TKFC: variants seen among roughly 807,000 people sequenced by gnomAD.
The protein encoded by TKFC is triokinase/FMN cyclase.
In TKFC, 46 loss-of-function variants were observed where a neutral mutation model predicts 61.0. The ratio of observed to expected loss-of-function variants is 0.75; its 90% CI spans 0.60 to 0.96. The LOEUF (loss-of-function observed/expected upper bound fraction) is 0.96. TKFC is among the 50% of genes least tolerant of loss of function. The pLI is 0.00. For synonymous variants in TKFC, 314 were observed against 330.1 expected, an observed-to-expected ratio of 0.95 and a Z score of 0.53; for missense variants, 715 against 777.5, an observed-to-expected ratio of 0.92 and a Z score of 0.96.
In TKFC at chr11:61,346,405, G is replaced by A. The variant is rs1189081192; in HGVS notation, c.1630G>A (p.Ala544Thr). 1 of 1,612,642 alleles carries A rather than the reference G, an allele frequency of 6.2e-7. No homozygotes were observed. The highest frequency in any genetic ancestry group is 1.1e-5 in the South Asian group (1 of 91,080). Residue 544 changes from alanine (A) to threonine (T), a missense_variant, in exon 18 of 18, where the codon GCC becomes ACC. By Grantham distance (58) the Ala-to-Thr change is moderately conservative (BLOSUM62 0). Transcript: ENST00000394900. This position sits in a 1 kb window ranked among gnomAD's most constrained non-coding sequence, Gnocchi z 4.1. Reference protein sequence around the residue: ...TKNMEAGAGRASYISSARLEQ... With the variant: ...TKNMEAGAGRTSYISSARLEQ... ...GAATATGGAAGCTGGAGCCGGAAGAGCCAGTTATATCAGCTCAGCACGGCT... is the reference window on the plus strand; with the variant it reads ...GAATATGGAAGCTGGAGCCGGAAGAACCAGTTATATCAGCTCAGCACGGCT...
Position 61,345,247 on chromosome 11 carries a change from T to C in TKFC, c.1241-13T>C, listed in dbSNP as rs768839539. ...GGATCTCTGAATTCCTCCCCATCTC[T>C]CTCTGCCTGCAGCAATCCAGGAGTG... On this transcript the variant is annotated splice_polypyrimidine_tract_variant and intron_variant, in intron 13 of 17. Coordinates refer to ENST00000394900, the MANE Select transcript of TKFC (RefSeq NM_015533.4). The C allele has an allele frequency of 6.5e-7, 1 of 1,529,992 alleles. No homozygotes were observed. Among genetic ancestry groups the C allele is most frequent in the Admixed American group, 2.1e-5 (1 of 47,872 alleles). The allele number at this position is 1,529,992 out of a possible 1,614,324, so 94.8% of individuals were successfully genotyped here. A position where few individuals can be genotyped will look rare whatever the true frequency, so the allele number is the denominator to read the frequency against.
intron 3 of TKFC, 58 bp from the exon 4 acceptor site, chr11:61,339,008 C>T (rs1442421182): frequency 1.4e-5 from 21 of 1,479,648 alleles, no homozygotes; most frequent in Non-Finnish European, 1.9e-5. Context: ...TGGGAAGCCC[C>T]AGTGACTACA....
Position 61,346,135 on chromosome 11 carries a change from C to A in TKFC, c.1575+189C>A. On this transcript the variant is annotated intron_variant, in intron 17 of 17. Coordinates refer to ENST00000394900, the MANE Select transcript of TKFC (RefSeq NM_015533.4). This position sits in a 1 kb window ranked among gnomAD's most constrained non-coding sequence, Gnocchi z 4.1. ...AAATATGTAGAGCCCCGCACACTGC[C>A]TGGGATGTGACAGGGCCTCAGTGAA... 2 of 1,233,380 alleles carry A rather than the reference C, an allele frequency of 1.6e-6. No homozygotes were observed. Among genetic ancestry groups the A allele is most frequent in the Non-Finnish European group, 2.2e-6 (2 of 906,506 alleles). The allele number at this position is 1,233,380 out of a possible 1,614,324, so 76.4% of individuals were successfully genotyped here. A position where few individuals can be genotyped will look rare whatever the true frequency, so the allele number is the denominator to read the frequency against.
chr11:61,341,542 G>C, intron 6 of TKFC, 28 bp downstream of exon 6: 1 of 1,552,590 alleles, frequency 6.4e-7, no homozygotes, highest in South Asian at 1.2e-5. Flanking sequence ...AGCTGGGGAA[G>C]AGAGTGGGGA....
intron 2 of TKFC, chr11:61,336,357 C>G (rs112351712): frequency 2.3e-3 from 352 of 154,402 alleles, no homozygotes; most frequent in Non-Finnish European, 4.1e-3. Flanking sequence ...TTGCCAGGAC[C>G]TGGCTCAGCT....
chr11:61,351,345 A>G (rs1389782274), downstream of TKFC: 1 of 488,780 alleles, frequency 2.0e-6, no homozygotes, highest in Non-Finnish European at 3.2e-6. Context: ...GCTGGAGTGC[A>G]GTGGCACGAT....
intron 12 of TKFC, 21 bp downstream of exon 12, chr11:61,343,996 G>A: frequency 6.2e-7 from 1 of 1,608,778 alleles, no homozygotes; most frequent in Non-Finnish European, 8.5e-7. Flanking sequence ...CTGCCTTTGG[G>A]GAAGGGACAG....
At chr11:61,341,061 G>A (rs1281975139) in intron 5 of TKFC, among the ~76,000 whole-genome samples, 1 of 152,004 alleles carries the variant, frequency 6.6e-6, no homozygotes, top group African/African-American at 2.4e-5. Flanking sequence ...TGGGTGGATG[G>A]ATGGATGGAT....
chr11:61,343,062 T>C (rs1396435798), intron 10 of TKFC: 3 of 618,744 alleles, frequency 4.8e-6, no homozygotes, highest in Non-Finnish European at 8.5e-6. Context: ...GTTTTGAGGA[T>C]TAAGTGAGAT....
intron 9 of TKFC, 43 bp downstream of exon 9, chr11:61,342,701 T>G: frequency 1.2e-6 from 2 of 1,613,332 alleles, no homozygotes; most frequent in Non-Finnish European, 1.7e-6. Context: ...CTCCTAAACC[T>G]CTGGGGAGGA....
downstream of TKFC, chr11:61,349,346 C>T (rs367724244): frequency 1.8e-6 from 1 of 561,970 alleles, no homozygotes; most frequent in African/African-American, 1.9e-5. Flanking sequence ...CTGCTGCACA[C>T]TGGACACCAC....
At chr11:61,343,780 A>G in intron 11 of TKFC, 76 bp from the exon 12 acceptor site, 1 of 1,542,000 alleles carries the variant, frequency 6.5e-7, no homozygotes, top group Non-Finnish European at 8.7e-7. Context: ...CACCAGGGTC[A>G]GGATGGGAGG....
intron 13 of TKFC, among the ~76,000 whole-genome samples, chr11:61,344,655 C>T (rs927685527): frequency 6.6e-6 from 1 of 152,182 alleles, no homozygotes; most frequent in Non-Finnish European, 1.5e-5. Context: ...TGAGCCACCA[C>T]ACCCGGCCGA....
At chr11:61,341,567 TGG>T (rs1590730748) in intron 6 of TKFC, 53 bp downstream of exon 6, 1 of 1,538,756 alleles carries the variant, frequency 6.5e-7, no homozygotes, top group East Asian at 2.4e-5. Context: ...TGGACAGCCC[TGG>T]GGCGAGGAGC....
At chr11:61,350,230 G>T (rs147478513), downstream of TKFC, 15,187 of 817,054 alleles carry the variant, frequency 0.019, 1,012 homozygotes, top group African/African-American at 0.17. Flanking sequence ...AAAGCAGACA[G>T]GCAGCAAGCG....
At chr11:61,344,359 CTTTTTTTTTT>C (rs56214441) in intron 13 of TKFC, 86 bp downstream of exon 13, 3 of 1,087,076 alleles carry the variant, frequency 2.8e-6, no homozygotes, top group African/African-American at 3.7e-5. Context: ...AGGGACCTTC[CTTTTTTTTTT>C]TTTTTTTTTT....
chr11:61,338,229 C>T, intron 3 of TKFC, 99 bp downstream of exon 3: 1 of 1,219,494 alleles, frequency 8.2e-7, no homozygotes, highest in South Asian at 1.7e-5. Flanking sequence ...GAGCTCAGCC[C>T]AGAATCAGGA....
chr11:61,345,847 C>T lies in TKFC; in HGVS notation c.1486-10C>T. On this transcript the variant is annotated splice_polypyrimidine_tract_variant and intron_variant, in intron 16 of 17. Coordinates refer to ENST00000394900, the MANE Select transcript of TKFC (RefSeq NM_015533.4). ...CCCGTGCTCAGCCCCCTTTCCTTCACCTTGTCCAGCTGGATTCTCTGTGGG... is the reference window on the plus strand; with the variant it reads ...CCCGTGCTCAGCCCCCTTTCCTTCATCTTGTCCAGCTGGATTCTCTGTGGG... 1 of 1,614,178 alleles carries T rather than the reference C, an allele frequency of 6.2e-7. No individual in the cohort carries two copies. The highest frequency in any genetic ancestry group is 8.5e-7 in the Non-Finnish European group (1 of 1,180,026).
intron 3 of TKFC, among the ~76,000 whole-genome samples, chr11:61,338,658 T>G (rs1435072538): frequency 6.6e-6 from 1 of 152,194 alleles, no homozygotes; most frequent in African/African-American, 2.4e-5. Context: ...ATGAGCCCAC[T>G]GTGTACCTGG....
Sources: allele counts gnomAD v4.1 joint callset (sites outside exome capture counted in the v4.1 genomes callset), GRCh38; gene constraint gnomAD v4.1.1; non-coding constraint Gnocchi (gnomAD v3.1); transcripts MANE v1.5; gene names NCBI Gene and HGNC (gene_info 2026-07-23, HGNC 2026-07-21).